Variants in MYO6 observed in about 807,000 individuals in gnomAD.
MYO6 encodes myosin VI.
Under a neutral mutation model 178.7 loss-of-function variants are expected in MYO6, and 74 were observed. The ratio of observed to expected loss-of-function variants is 0.41; its 90% CI spans 0.34 to 0.50. MYO6 has a LOEUF of 0.50. Among genes scored for constraint, MYO6 ranks in the 20% least tolerant of loss-of-function variants. The pLI is 0.09. For synonymous variants in MYO6, 477 were observed against 504.6 expected (o/e 0.95, Z 0.73); for missense variants, 1,330 against 1,547.4 (o/e 0.86, Z 2.36).
At chr6:75,843,425 A>G (rs1446347074) in intron 9 of MYO6, among the ~76,000 whole-genome samples, 4 of 152,214 alleles carry the variant, frequency 2.6e-5, no homozygotes, top group Non-Finnish European at 5.9e-5. Flanking sequence ...AATTGCTGTA[A>G]TCATGGATAG....
At chr6:75,908,106 A>G (rs963815595) in intron 31 of MYO6, among the ~76,000 whole-genome samples, 4 of 152,204 alleles carry the variant, frequency 2.6e-5, no homozygotes, top group Non-Finnish European at 5.9e-5. Context: ...TCCATTGAGT[A>G]TATCTGCATA....
chr6:75,862,102 T>C (rs1445274924), intron 15 of MYO6, among the ~76,000 whole-genome samples: 1 of 152,226 alleles, frequency 6.6e-6, no homozygotes, highest in Non-Finnish European at 1.5e-5. Context: ...ATTCAAGCAG[T>C]TTACATTTTA....
chr6:75,840,789 A>G (rs996890411), intron 8 of MYO6, 107 bp downstream of exon 8: 7 of 829,320 alleles, frequency 8.4e-6, no homozygotes, highest in South Asian at 1.5e-5. Flanking sequence ...TTTAAGTTTC[A>G]TTGTTACTTT....
At chr6:75,776,890 ATTTT>A (rs1202704466) in intron 1 of MYO6, among the ~76,000 whole-genome samples, 1 of 152,058 alleles carries the variant, frequency 6.6e-6, no homozygotes, top group East Asian at 1.9e-4. Flanking sequence ...TTACAATTCT[ATTTT>A]TTTATGTAAC....
intron 10 of MYO6, among the ~76,000 whole-genome samples, chr6:75,847,979 CTG>C (rs974669874): frequency 1.3e-5 from 2 of 151,918 alleles, no homozygotes; most frequent in Admixed American, 6.6e-5. Context: ...TTTAAAAAAA[CTG>C]TAATGTTGAT....
Position 75,787,683 on chromosome 6 carries a change from TC to T in MYO6, c.-47-29817del, listed in dbSNP as rs1583073152. On this transcript the variant is annotated intron_variant, in intron 1 of 34. Transcript: ENST00000369977. ...TATGGGGGAATGGAACTATTCTCTC[TC>T]TCTCTCTCTCTCTCTCTCTCTCTCT... Among the ~76,000 whole-genome samples, 3 of 13,400 alleles carry T rather than the reference TC, an allele frequency of 2.2e-4. No individual in the cohort carries two copies. In the Admixed American group the frequency reaches 3.5e-3, roughly 16 times the overall value. The allele number at this position is 13,400 out of a possible 152,430, so 8.8% of individuals were successfully genotyped here.
At chr6:75,783,058 G>C (rs1432971825) in intron 1 of MYO6, among the ~76,000 whole-genome samples, 1 of 151,944 alleles carries the variant, frequency 6.6e-6, no homozygotes, top group African/African-American at 2.4e-5. Flanking sequence ...GGGATTACAG[G>C]CATGCGCCAC....
intron 16 of MYO6, among the ~76,000 whole-genome samples, chr6:75,863,773 C>T (rs61564746): frequency 0.02 from 2,981 of 152,212 alleles, 97 homozygotes; most frequent in African/African-American, 0.068. Context: ...TGTGAGCCAC[C>T]GTGCCCGGCT....
intron 1 of MYO6, among the ~76,000 whole-genome samples, chr6:75,790,239 G>A (rs1478050730): frequency 3.3e-5 from 5 of 152,176 alleles, no homozygotes; most frequent in African/African-American, 1.2e-4. Context: ...TATGCATATA[G>A]TCATGTTGCT....
Position 75,763,516 on chromosome 6 carries a change from A to G in MYO6, c.-48+14093A>G, listed in dbSNP as rs536635658. 3.3e-5 allele frequency among the ~76,000 whole-genome samples: 5 copies of G among 152,354 alleles called. No individual in the cohort carries two copies. The South Asian group carries it at 1.0e-3, about 32-fold the overall frequency. On this transcript the variant is annotated intron_variant, in intron 1 of 34. Transcript: ENST00000369977. ...ATACATATTTGATATAAACATGCCAAAATGAAATTTGATCTTATATTGTGC... is the reference window on the plus strand; with the variant it reads ...ATACATATTTGATATAAACATGCCAGAATGAAATTTGATCTTATATTGTGC...
intron 1 of MYO6, among the ~76,000 whole-genome samples, chr6:75,767,795 G>A (rs1483320310): frequency 6.6e-6 from 1 of 151,964 alleles, no homozygotes; most frequent in Non-Finnish European, 1.5e-5. Flanking sequence ...GGGACTTCAG[G>A]TGTGAGCCAT....
At chr6:75,808,382 C>T (rs901162854) in intron 1 of MYO6, among the ~76,000 whole-genome samples, 2 of 152,154 alleles carry the variant, frequency 1.3e-5, no homozygotes, top group Non-Finnish European at 2.9e-5. Flanking sequence ...ATCTATTTCT[C>T]TCTCTTCCTC....
rs750273754 is a variant in MYO6 at position 75,914,797 on chromosome 6, T to G, written c.3659-16T>G. 1 of 1,612,684 alleles carries G rather than the reference T, an allele frequency of 6.2e-7. No individual in the cohort carries two copies. Among genetic ancestry groups the G allele is most frequent in the East Asian group, 2.2e-5 (1 of 44,886 alleles). On this transcript the variant is annotated splice_polypyrimidine_tract_variant and intron_variant, in intron 34 of 34. Coordinates refer to ENST00000369977, the MANE Select transcript of MYO6 (RefSeq NM_004999.4). ...GAAGAGAGAGATGGTAATTTTCTGATATCTCATGAATACAGGTAAGGACGA... is the reference window on the plus strand; with the variant it reads ...GAAGAGAGAGATGGTAATTTTCTGAGATCTCATGAATACAGGTAAGGACGA...
chr6:75,808,008 T>C (rs1046614708), intron 1 of MYO6, among the ~76,000 whole-genome samples: 1 of 152,238 alleles, frequency 6.6e-6, no homozygotes, highest in Non-Finnish European at 1.5e-5. Flanking sequence ...CTCTGAAAGG[T>C]TGCCTCGTCT....
chr6:75,894,042 A>C (rs1332942729), intron 28 of MYO6, among the ~76,000 whole-genome samples: 3 of 152,186 alleles, frequency 2.0e-5, no homozygotes, highest in Non-Finnish European at 4.4e-5. Context: ...GTGAGGAAGT[A>C]CTGCAGTTGA....
At chr6:75,775,743 G>A (rs1766316804) in intron 1 of MYO6, among the ~76,000 whole-genome samples, 1 of 152,138 alleles carries the variant, frequency 6.6e-6, no homozygotes, top group African/African-American at 2.4e-5. Flanking sequence ...TCTAGTTAAA[G>A]TTTAGTAATG....
chr6:75,887,091 C>A, intron 25 of MYO6, 97 bp downstream of exon 25: 4 of 1,128,810 alleles, frequency 3.5e-6, no homozygotes, highest in African/African-American at 1.6e-5. Flanking sequence ...CTTAGTTTTT[C>A]AAAATTACAA....
Position 75,919,506 on chromosome 6 carries a change from CAAAT to C in MYO6, c.*4503_*4506del, listed in dbSNP as rs574841371. 11 of 152,692 alleles carry C rather than the reference CAAAT, an allele frequency of 7.2e-5. No homozygotes were observed. The South Asian group carries it at 2.1e-3, about 29-fold the overall frequency. The allele number at this position is 152,692 out of a possible 1,614,324, so 9.5% of individuals were successfully genotyped here. A position where few individuals can be genotyped will look rare whatever the true frequency, so the allele number is the denominator to read the frequency against. ...TCTAAAAATTGATGTACTGGAAATACAAATAAATAAATGCTCCCTGTGTAGAATT... is the reference window on the plus strand; with the variant it reads ...TCTAAAAATTGATGTACTGGAAATACAAATAAATGCTCCCTGTGTAGAATT... On this transcript the variant is annotated 3_prime_UTR_variant, in exon 35 of 35. Coordinates refer to ENST00000369977, the MANE Select transcript of MYO6 (RefSeq NM_004999.4).
At chr6:75,901,671 CAG>C (rs1439318062) in intron 30 of MYO6, among the ~76,000 whole-genome samples, 3 of 152,184 alleles carry the variant, frequency 2.0e-5, no homozygotes, top group African/African-American at 7.2e-5. Context: ...CGTCTGCAAA[CAG>C]GGACAATTTG....
Sources: gnomAD v4.1 joint callset for allele counts (sites outside exome capture counted in the v4.1 genomes callset) on GRCh38, gnomAD v4.1.1 for gene constraint, MANE v1.5 for transcripts, NCBI Gene and HGNC (gene_info 2026-07-23, HGNC 2026-07-21) for gene names.